The following CEP112 variants were observed in gnomAD, a reference collection of about 807,000 sequenced individuals.
The protein encoded by CEP112 is centrosomal protein 112, also known as centrosomal protein of 112 kDa.
A neutral mutation model predicts 153.0 loss-of-function variants in CEP112; 127 were observed. The observed-to-expected ratio is 0.83, with a 90% CI of 0.72 to 0.96. The LOEUF is 0.96. CEP112 is among the 40% of genes least tolerant of loss of function. The probability of loss-of-function intolerance (pLI) is 0.00; values close to 1 mark genes in which losing one functional copy is unlikely to be tolerated. For synonymous variants in CEP112, 358 were observed against 374.4 expected (o/e 0.96, Z 0.51); for missense variants, 1,089 against 1,101.2 (o/e 0.99, Z 0.16).
intron 24 of CEP112, among the ~76,000 whole-genome samples, chr17:65,680,669 G>A (rs942096844): frequency 2.0e-5 from 3 of 152,154 alleles, no homozygotes; most frequent in East Asian, 1.9e-4. Flanking sequence ...CGGAGGGCGG[G>A]GAGGTGCATT....
At chr17:66,066,719 A>G in intron 10 of CEP112, 59 bp downstream of exon 10, 1 of 1,169,986 alleles carries the variant, frequency 8.5e-7, no homozygotes, top group Non-Finnish European at 1.2e-6. Context: ...TTTTTTCTCC[A>G]CATCACTAAA....
chr17:65,825,747 G>A (rs148852274), intron 21 of CEP112, among the ~76,000 whole-genome samples: 255 of 152,010 alleles, frequency 1.7e-3, no homozygotes, highest in Middle Eastern at 3.4e-3. Flanking sequence ...AGGTACAGAG[G>A]GGAAATGAAA....
At chr17:65,679,490 T>C (rs1322436371) in intron 24 of CEP112, among the ~76,000 whole-genome samples, 3 of 152,220 alleles carry the variant, frequency 2.0e-5, no homozygotes, top group Admixed American at 6.5e-5. Context: ...GAGTTGTTAG[T>C]ACTTTTAAAT....
At chr17:65,909,849 G>A (rs564732608) in intron 19 of CEP112, among the ~76,000 whole-genome samples, 1 of 152,158 alleles carries the variant, frequency 6.6e-6, no homozygotes, top group Non-Finnish European at 1.5e-5. Flanking sequence ...AGTAGAACTG[G>A]TAAGTTGAAA....
chr17:65,971,705 A>G (rs1015465800), intron 17 of CEP112, among the ~76,000 whole-genome samples: 18 of 152,336 alleles, frequency 1.2e-4, no homozygotes, highest in African/African-American at 3.1e-4. Context: ...TTACATGCAT[A>G]TTACATGCAT....
At chr17:65,852,589 C>G (rs994177226) in intron 20 of CEP112, among the ~76,000 whole-genome samples, 1 of 146,996 alleles carries the variant, frequency 6.8e-6, no homozygotes, top group Admixed American at 6.8e-5. Context: ...TTTTACCATA[C>G]TTTTGGATCT....
intron 22 of CEP112, 57 bp downstream of exon 22, chr17:65,750,605 G>C: frequency 7.0e-7 from 1 of 1,430,364 alleles, no homozygotes; most frequent in Non-Finnish European, 9.9e-7. Flanking sequence ...GCTTTTATGT[G>C]GAGGTTTCAT....
chr17:65,751,993 T>C (rs187293868), intron 21 of CEP112, among the ~76,000 whole-genome samples: 1 of 139,054 alleles, frequency 7.2e-6, no homozygotes, highest in African/African-American at 2.7e-5. Context: ...TATCTATCTA[T>C]CTATCTATCT....
At chr17:65,934,154 A>G (rs1252980352) in intron 18 of CEP112, among the ~76,000 whole-genome samples, 2 of 152,234 alleles carry the variant, frequency 1.3e-5, no homozygotes, top group Non-Finnish European at 2.9e-5. Flanking sequence ...ACACCACTGC[A>G]CTACAGCCTG....
chr17:65,882,427 T>G (rs867854502), intron 20 of CEP112, among the ~76,000 whole-genome samples: 1 of 152,250 alleles, frequency 6.6e-6, no homozygotes, highest in Admixed American at 6.5e-5. Flanking sequence ...ATTGCCAGAA[T>G]GGTTCTCGGA....
At chr17:66,047,447 T>C (rs941259350) in intron 12 of CEP112, among the ~76,000 whole-genome samples, 6 of 152,236 alleles carry the variant, frequency 3.9e-5, no homozygotes, top group African/African-American at 9.6e-5. Flanking sequence ...ATCTTTGGTT[T>C]GAAAATGTAG....
chr17:65,850,388 G>T (rs2057886731), intron 21 of CEP112, among the ~76,000 whole-genome samples: 2 of 151,934 alleles, frequency 1.3e-5, no homozygotes, highest in Non-Finnish European at 2.9e-5. Flanking sequence ...GCCCGTGACT[G>T]TTCCACCCTA....
intron 24 of CEP112, among the ~76,000 whole-genome samples, chr17:65,647,683 A>C (rs73351232): frequency 0.15 from 21,426 of 147,274 alleles, 1,920 homozygotes; most frequent in East Asian, 0.49. Context: ...GTTTCTCACT[A>C]TGTTGCCTAG....
At chr17:65,908,868 T>C (rs2060180344) in intron 19 of CEP112, among the ~76,000 whole-genome samples, 1 of 152,144 alleles carries the variant, frequency 6.6e-6, no homozygotes, top group Non-Finnish European at 1.5e-5. Flanking sequence ...TCATTCCAAT[T>C]GAACTTTCAT....
intron 12 of CEP112, among the ~76,000 whole-genome samples, chr17:66,049,453 TAA>T (rs1302265475): frequency 1.3e-5 from 2 of 152,116 alleles, no homozygotes; most frequent in African/African-American, 2.4e-5. Flanking sequence ...GCTTAATTAA[TAA>T]AGAGTCAAAT....
At chr17:65,716,088 A>G (rs1240145712) in intron 23 of CEP112, among the ~76,000 whole-genome samples, 1 of 152,198 alleles carries the variant, frequency 6.6e-6, no homozygotes, top group Non-Finnish European at 1.5e-5. Flanking sequence ...GATATAAAGC[A>G]AAGAATAAGA....
intron 24 of CEP112, among the ~76,000 whole-genome samples, chr17:65,663,074 T>G (rs556420178): frequency 1.4e-4 from 22 of 152,174 alleles, no homozygotes; most frequent in Non-Finnish European, 2.6e-4. Context: ...AGGGTACTAT[T>G]TTATCTTGTA....
At chr17:65,971,230 T>C (rs1047352711) in intron 17 of CEP112, among the ~76,000 whole-genome samples, 2 of 152,166 alleles carry the variant, frequency 1.3e-5, no homozygotes, top group Non-Finnish European at 2.9e-5. Flanking sequence ...GTATATTACA[T>C]ACGTGCAAAA....
At chr17:65,805,007 T>A (rs984971278) in intron 21 of CEP112, among the ~76,000 whole-genome samples, 1 of 151,838 alleles carries the variant, frequency 6.6e-6, no homozygotes, top group Non-Finnish European at 1.5e-5. Flanking sequence ...CACTACCACA[T>A]GTGGCTAATT....
Sources: gnomAD v4.1 joint callset for allele counts (sites outside exome capture counted in the v4.1 genomes callset) on GRCh38, gnomAD v4.1.1 for gene constraint, MANE v1.5 for transcripts, NCBI Gene and HGNC (gene_info 2026-07-23, HGNC 2026-07-21) for gene names.